Variants in PKHD1 observed in about 807,000 individuals in gnomAD.
PKHD1 encodes fibrocystin.
Under a neutral mutation model 412.0 loss-of-function variants are expected in PKHD1, and 291 were observed. The ratio of observed to expected loss-of-function variants is 0.71; its 90% CI spans 0.64 to 0.78. The LOEUF (loss-of-function observed/expected upper bound fraction) is 0.78, where lower values mean the gene tolerates loss of function less well. Among genes scored for constraint, PKHD1 ranks in the 30% least tolerant of loss-of-function variants. The pLI is 0.00. For missense variants in PKHD1, 4,825 were observed against 4,950.7 expected, an observed-to-expected ratio of 0.97 and a Z score of 0.76; for synonymous variants, 1,777 against 1,821.5, an observed-to-expected ratio of 0.98 and a Z score of 0.62.
intron 6 of PKHD1, among the ~76,000 whole-genome samples, chr6:52,074,491 T>C (rs931861453): frequency 6.6e-6 from 1 of 152,244 alleles, no homozygotes; most frequent in African/African-American, 2.4e-5. Flanking sequence ...CTAATTTTAA[T>C]AGGGCTAAAT....
intron 29 of PKHD1, among the ~76,000 whole-genome samples, chr6:52,032,082 C>A (rs1180782042): frequency 6.6e-6 from 1 of 152,190 alleles, no homozygotes; most frequent in East Asian, 1.9e-4. Context: ...TTACACACTT[C>A]AGTCACCTGG....
At chr6:52,022,731 T>C (rs1449122787) in intron 33 of PKHD1, 70 bp downstream of exon 33, 1 of 1,523,780 alleles carries the variant, frequency 6.6e-7, no homozygotes, top group Non-Finnish European at 9.1e-7. Flanking sequence ...ATCACAAAAA[T>C]AGAATTAACC....
intron 5 of PKHD1, among the ~76,000 whole-genome samples, chr6:52,077,352 G>C (rs1241072415): frequency 1.3e-5 from 2 of 152,116 alleles, no homozygotes; most frequent in African/African-American, 4.8e-5. Context: ...GCCAGACCAA[G>C]GCTTGACCTG....
chr6:51,940,002 T>C lies in PKHD1; in HGVS notation c.5909-5680A>G, dbSNP rs1049863126. On this transcript the variant is annotated intron_variant, in intron 36 of 66. Coordinates refer to ENST00000371117, the MANE Select transcript of PKHD1 (RefSeq NM_138694.4). ...AAAAAGGTGGCTGGAGCTAAAGGCATAGTCAAGGTTAATGCTCCTTTTTCT... is the reference window on the plus strand; with the variant it reads ...AAAAAGGTGGCTGGAGCTAAAGGCACAGTCAAGGTTAATGCTCCTTTTTCT... 3.3e-5 allele frequency among the ~76,000 whole-genome samples: 5 copies of C among 151,562 alleles called. 1 individual carries two copies. The highest frequency in any genetic ancestry group is 1.2e-4 in the African/African-American group (5 of 41,334).
chr6:52,034,719 T>C (rs925626239), intron 28 of PKHD1, among the ~76,000 whole-genome samples: 3 of 152,178 alleles, frequency 2.0e-5, no homozygotes, highest in Admixed American at 2.0e-4. Flanking sequence ...TTGTTTACAA[T>C]AAGAAACATT....
At chr6:51,675,812 A>G (rs1317267457) in intron 60 of PKHD1, among the ~76,000 whole-genome samples, 2 of 152,206 alleles carry the variant, frequency 1.3e-5, no homozygotes, top group Non-Finnish European at 2.9e-5. Flanking sequence ...GGCATATGCT[A>G]TTGCATACAC....
chr6:51,814,296 A>T (rs527496189), intron 52 of PKHD1, among the ~76,000 whole-genome samples: 1 of 152,364 alleles, frequency 6.6e-6, no homozygotes, highest in East Asian at 1.9e-4. Flanking sequence ...TCTCAGTCAC[A>T]GATAATTTCC....
At chr6:51,813,745 G>A (rs1465044503) in intron 52 of PKHD1, among the ~76,000 whole-genome samples, 4 of 152,112 alleles carry the variant, frequency 2.6e-5, no homozygotes, top group East Asian at 1.9e-4. Context: ...AAAAGATATC[G>A]GAATAGTAGA....
intron 52 of PKHD1, among the ~76,000 whole-genome samples, chr6:51,809,410 T>C (rs142838121): frequency 6.6e-6 from 1 of 152,194 alleles, no homozygotes; most frequent in African/African-American, 2.4e-5. Context: ...CTCATTCACT[T>C]TCCTCTCCTG....
intron 35 of PKHD1, among the ~76,000 whole-genome samples, chr6:51,987,023 G>A (rs141743247): frequency 3.9e-5 from 6 of 152,318 alleles, no homozygotes; most frequent in East Asian, 1.9e-4. Context: ...GGGTACAGAC[G>A]TGTAGAAATG....
intron 35 of PKHD1, among the ~76,000 whole-genome samples, chr6:51,978,054 T>A (rs1794683481): frequency 6.6e-6 from 1 of 152,150 alleles, no homozygotes. Context: ...GGATCTATAA[T>A]GAAGCCACAG....
chr6:52,010,501 A>G lies in PKHD1; in HGVS notation c.5601-42T>C, dbSNP rs114616694. The stretch of plus-strand genomic sequence containing the variant: ...GGTTAAATGGGGTGTCATCAATCTT[A>G]ATGAAATGCAATTATTTTTACTCTT... On this transcript the variant is annotated intron_variant, in intron 34 of 66. Coordinates refer to ENST00000371117, the MANE Select transcript of PKHD1 (RefSeq NM_138694.4). 1.7e-3 allele frequency: 2,320 copies of G among 1,391,810 alleles called. 24 individuals carry two copies. The African/African-American group carries it at 0.026, about 16-fold the overall frequency. 86.2% of individuals were successfully genotyped at this position (1,391,810 alleles called of 1,614,324 possible).
intron 37 of PKHD1, among the ~76,000 whole-genome samples, chr6:51,912,812 T>TA (rs765428328): frequency 1.3e-5 from 2 of 152,070 alleles, no homozygotes; most frequent in Non-Finnish European, 1.5e-5. Context: ...TAAGCCAGAC[T>TA]AGAGAATAGC....
intron 11 of PKHD1, among the ~76,000 whole-genome samples, chr6:52,068,833 T>A (rs1268702862): frequency 6.6e-6 from 1 of 152,244 alleles, no homozygotes; most frequent in Non-Finnish European, 1.5e-5. Context: ...CTCCATGACC[T>A]GTGAATTATC....
Position 51,697,310 on chromosome 6 carries a change from G to A in PKHD1, c.10157-37341C>T, listed in dbSNP as rs571320767. 2.4e-4 allele frequency among the ~76,000 whole-genome samples: 36 copies of A among 152,328 alleles called. 1 individual carries two copies. In the South Asian group the frequency reaches 7.3e-3, roughly 31 times the overall value. On this transcript the variant is annotated intron_variant, in intron 60 of 66. Coordinates refer to ENST00000371117, the MANE Select transcript of PKHD1 (RefSeq NM_138694.4). The stretch of plus-strand genomic sequence containing the variant: ...AGTGCATGTCATGAAATTTGTGTTA[G>A]ATTAGCATTTATTTGCAATTACTTT...
chr6:52,008,215 C>G (rs962996675), intron 35 of PKHD1, among the ~76,000 whole-genome samples: 5 of 152,180 alleles, frequency 3.3e-5, no homozygotes, highest in African/African-American at 1.2e-4. Flanking sequence ...GGTTATGAGG[C>G]CAGATAACTA....
At chr6:51,759,860 C>G (rs12661334) in intron 55 of PKHD1, among the ~76,000 whole-genome samples, 15,791 of 152,162 alleles carry the variant, frequency 0.1, 897 homozygotes, top group East Asian at 0.13. Flanking sequence ...TAGCTAACCA[C>G]CTAACTAGAA....
chr6:51,991,874 C>A (rs996075143), intron 35 of PKHD1, among the ~76,000 whole-genome samples: 64 of 152,190 alleles, frequency 4.2e-4, no homozygotes, highest in Admixed American at 3.9e-3. Context: ...ATACAGATAG[C>A]ATTTTTAAAT....
At chr6:51,680,794 T>C (rs1227873264) in intron 60 of PKHD1, among the ~76,000 whole-genome samples, 2 of 152,010 alleles carry the variant, frequency 1.3e-5, no homozygotes, top group Non-Finnish European at 2.9e-5. Context: ...AAGTCACAAA[T>C]ATAAACAAAT....
Sources: allele counts gnomAD v4.1 joint callset (sites outside exome capture counted in the v4.1 genomes callset), GRCh38; gene constraint gnomAD v4.1.1; transcripts MANE v1.5; gene names NCBI Gene and HGNC (gene_info 2026-07-23, HGNC 2026-07-21).